The following ADAMTSL3 variants were observed in gnomAD, a reference collection of about 807,000 sequenced individuals.
ADAMTSL3 encodes ADAMTS-like protein 3.
In ADAMTSL3, 128 loss-of-function variants were observed where a neutral mutation model predicts 201.7. The observed-to-expected ratio is 0.63, with a 90% CI of 0.55 to 0.73. The LOEUF (loss-of-function observed/expected upper bound fraction) is 0.73. ADAMTSL3 is among the 30% of genes least tolerant of loss of function. The probability of loss-of-function intolerance (pLI) is 0.00; values close to 1 mark genes in which losing one functional copy is unlikely to be tolerated. For missense variants in ADAMTSL3, 1,990 were observed against 2,119.6 expected, an observed-to-expected ratio of 0.94 and a Z score of 1.20; for synonymous variants, 738 against 748.4, an observed-to-expected ratio of 0.99 and a Z score of 0.23.
intron 4 of ADAMTSL3, among the ~76,000 whole-genome samples, chr15:83,782,921 T>TATATATTATATGTATATATACACAC: frequency 6.8e-6 from 1 of 148,090 alleles, no homozygotes; most frequent in Non-Finnish European, 1.5e-5. Flanking sequence ...CGTATATATA[T>TATATATTATATGTATATATACACAC]ATATATATTA....
chr15:84,012,055 G>A (rs1034868494), intron 23 of ADAMTSL3, among the ~76,000 whole-genome samples: 9 of 152,074 alleles, frequency 5.9e-5, no homozygotes, highest in Non-Finnish European at 8.8e-5. Flanking sequence ...ATGCACATGT[G>A]ATTAGCATTC....
At chr15:83,660,483 C>A (rs1037944893) in intron 2 of ADAMTSL3, among the ~76,000 whole-genome samples, 18 of 152,180 alleles carry the variant, frequency 1.2e-4, no homozygotes, top group African/African-American at 4.3e-4. Context: ...TTGGGTTTGG[C>A]CCCTCGACAA....
chr15:83,908,816 GC>G (rs1388931728), intron 15 of ADAMTSL3, among the ~76,000 whole-genome samples: 5 of 152,288 alleles, frequency 3.3e-5, no homozygotes, highest in Non-Finnish European at 7.3e-5. Flanking sequence ...TGGGTCAGAA[GC>G]CCAGTAGATT....
chr15:83,913,409 T>G, intron 16 of ADAMTSL3, 31 bp downstream of exon 16: 1 of 1,599,298 alleles, frequency 6.3e-7, no homozygotes, highest in Non-Finnish European at 8.5e-7. Context: ...GGGACAGTTA[T>G]GTTGTGTGTT....
chr15:83,938,961 C>A (rs966675880), intron 17 of ADAMTSL3, among the ~76,000 whole-genome samples: 1 of 152,008 alleles, frequency 6.6e-6, no homozygotes, highest in Non-Finnish European at 1.5e-5. Context: ...TTTTTGGATG[C>A]GCTAATTCAA....
In ADAMTSL3 at chr15:83,773,614, G is replaced by T; in HGVS notation, c.281G>T (p.Gly94Val). ...WSDCSRTCGGGASYSLRRCLT... is the reference protein window; with the variant it reads ...WSDCSRTCGGVASYSLRRCLT... Reference sequence around the variant, plus strand: ...GACTGCTCCCGGACCTGTGGGGGAGGAGCATCATATTCTCTGCGGAGATGT... The same window carrying T: ...GACTGCTCCCGGACCTGTGGGGGAGTAGCATCATATTCTCTGCGGAGATGT... The change falls in exon 4 of 30, where the codon GGA (glycine) becomes GTA (valine). Residue 94 changes from glycine (G) to valine (V), a missense_variant. Physicochemically the swap from Gly to Val is moderately radical, Grantham distance 109. Coordinates refer to ENST00000286744, the MANE Select transcript of ADAMTSL3 (RefSeq NM_207517.3). 1 of 1,612,500 alleles carries T rather than the reference G, an allele frequency of 6.2e-7. No individual in the cohort carries two copies. Among genetic ancestry groups the T allele is most frequent in the Non-Finnish European group, 8.5e-7 (1 of 1,179,596 alleles).
chr15:83,764,539 C>T (rs185956366), intron 3 of ADAMTSL3, among the ~76,000 whole-genome samples: 11 of 152,240 alleles, frequency 7.2e-5, no homozygotes, highest in African/African-American at 1.9e-4. Flanking sequence ...TTTACTTCCC[C>T]AGCTCTCTCT....
chr15:83,697,393 T>A lies in ADAMTSL3; in HGVS notation c.70-6996T>A, dbSNP rs150535686. On this transcript the variant is annotated intron_variant, in intron 2 of 29. Coordinates refer to ENST00000286744, the MANE Select transcript of ADAMTSL3 (RefSeq NM_207517.3). Reference sequence around the variant, plus strand: ...TCTGAGACTATCTACCTAGAGATAGTATCAGACCCCACAGGTTAAGGGCTC... The same window carrying A: ...TCTGAGACTATCTACCTAGAGATAGAATCAGACCCCACAGGTTAAGGGCTC... 2.0e-5 allele frequency among the ~76,000 whole-genome samples: 3 copies of A among 152,230 alleles called. No homozygotes were observed. The East Asian group carries it at 5.8e-4, about 29-fold the overall frequency.
intron 2 of ADAMTSL3, among the ~76,000 whole-genome samples, chr15:83,675,332 G>C (rs1313797008): frequency 1.3e-5 from 2 of 151,926 alleles, no homozygotes; most frequent in Non-Finnish European, 2.9e-5. Context: ...TCATGAATAG[G>C]TGTTTAATTA....
rs547728610 is a variant in ADAMTSL3 at position 84,017,966 on chromosome 15, C to G, written c.4273+1467C>G. ...CCCTACCTCTCTCTAGAGAAGTCAA[C>G]TGAGTTTTCATGTAGGTCATGATGT... is the stretch of plus-strand genomic sequence containing the variant. On this transcript the variant is annotated intron_variant, in intron 25 of 29. Transcript: ENST00000286744. 1.5e-3 allele frequency among the ~76,000 whole-genome samples: 223 copies of G among 152,256 alleles called. No homozygotes were observed. In the Middle Eastern group the frequency reaches 0.017, roughly 12 times the overall value.
chr15:84,021,539 T>C lies in ADAMTSL3; in HGVS notation c.4403T>C (p.Leu1468Pro). The stretch of plus-strand genomic sequence containing the variant: ...GTGAGTGAGGCCCTGTGTGATCACC[T>C]CCAGAAGCCACTGGCTGGGTTTGAG... ...QEVSEALCDH[L>P]QKPLAGFEPC... is the part of the protein sequence containing the mutation. Residue 1468 changes from leucine to proline, a missense_variant, in exon 26 of 30, where the codon CTC (leucine) becomes CCC (proline). Coordinates refer to ENST00000286744, the MANE Select transcript of ADAMTSL3 (RefSeq NM_207517.3). 1 of 1,614,148 alleles carries C rather than the reference T, an allele frequency of 6.2e-7. No homozygotes were observed. Among genetic ancestry groups the C allele is most frequent in the Non-Finnish European group, 8.5e-7 (1 of 1,180,008 alleles).
Position 83,751,828 on chromosome 15 carries a change from AGT to A in ADAMTSL3, c.190-21694_190-21693del, listed in dbSNP as rs1596140489. On this transcript the variant is annotated intron_variant, in intron 3 of 29. Transcript: ENST00000286744. ...AATTTCCCACAGTGTTCAAGTGAGG[AGT>A]AAAAAGTTTTCCACCCAACGAGAAT... is the stretch of plus-strand genomic sequence containing the variant. 3.9e-5 allele frequency among the ~76,000 whole-genome samples: 6 copies of A among 152,292 alleles called. 1 individual carries two copies. The East Asian group carries it at 1.2e-3, about 29-fold the overall frequency.
Position 83,897,876 on chromosome 15 carries a change from C to T in ADAMTSL3, c.1486C>T (p.Arg496Ter), listed in dbSNP as rs750924454. Residue 496 changes from arginine to a stop codon, truncating the protein, a stop_gained, in exon 14 of 30, where the codon CGA becomes TGA. Transcript: ENST00000286744. LOFTEE classifies it high-confidence loss of function. ...TTTGAAGTGCACAGTGACTTGTGGC[C>T]GAGGGTTACGGTACCGGGTTGTTCT... ...EWSQCTVTCG[R>*]GLRYRVVLCI... The T allele has an allele frequency of 7.5e-6, 12 of 1,604,974 alleles. No homozygotes were observed. The highest frequency in any genetic ancestry group is 4.0e-5 in the African/African-American group (3 of 74,618).
At position 84,010,293 on chromosome 15, in the gene ADAMTSL3, T is replaced by C. The variant is rs75957285; in HGVS notation, c.3974-4249T>C. Among the ~76,000 whole-genome samples the C allele has an allele frequency of 6.5e-3, 992 of 152,334 alleles. 8 individuals carry two copies. Among genetic ancestry groups the C allele is most frequent in the African/African-American group, 0.022 (929 of 41,576 alleles). ...GAGATTTTTTTCTCTTCCTAGCTAGTATAGCCCTTCTCTAAATTACCATAG... is the reference window on the plus strand; with the variant it reads ...GAGATTTTTTTCTCTTCCTAGCTAGCATAGCCCTTCTCTAAATTACCATAG... On this transcript the variant is annotated intron_variant, in intron 23 of 29. Transcript: ENST00000286744.
Position 83,771,357 on chromosome 15 carries a change from A to G in ADAMTSL3, c.190-2166A>G, listed in dbSNP as rs1164638378. Among the ~76,000 whole-genome samples the G allele has an allele frequency of 2.6e-5, 4 of 152,174 alleles. No individual in the cohort carries two copies. The East Asian group carries it at 7.7e-4, about 29-fold the overall frequency. On this transcript the variant is annotated intron_variant, in intron 3 of 29. Transcript: ENST00000286744. ...AGCGTATAGTACAGTATTGGTAATT[A>G]TAAGTACAATGTTGAAAAGCAGATC...
chr15:83,684,894 A>G (rs77262585), intron 2 of ADAMTSL3, among the ~76,000 whole-genome samples: 11,519 of 152,230 alleles, frequency 0.076, 612 homozygotes, highest in East Asian at 0.18. Context: ...TGATACACCC[A>G]TCTTGAGGTT....
chr15:83,667,358 G>A (rs1280848511), intron 2 of ADAMTSL3, among the ~76,000 whole-genome samples: 1 of 151,946 alleles, frequency 6.6e-6, no homozygotes, highest in Non-Finnish European at 1.5e-5. Flanking sequence ...CACATTCCAG[G>A]AACAAAAAGT....
Position 83,719,446 on chromosome 15 carries a change from C to T in ADAMTSL3, c.189+14938C>T, listed in dbSNP as rs539316458. 4.6e-5 allele frequency among the ~76,000 whole-genome samples: 7 copies of T among 152,240 alleles called. No homozygotes were observed. The South Asian group carries it at 1.0e-3, about 23-fold the overall frequency. ...AACAAATAAACAGACAAAAAACCTA[C>T]GACAACACTCTTTATGACATTTATA... On this transcript the variant is annotated intron_variant, in intron 3 of 29. Transcript: ENST00000286744.
intron 3 of ADAMTSL3, among the ~76,000 whole-genome samples, chr15:83,750,592 G>A (rs1232540661): frequency 1.3e-5 from 2 of 151,822 alleles, no homozygotes; most frequent in Admixed American, 6.6e-5. Flanking sequence ...TTGCTCTGTC[G>A]CCAGGCTAGA....
Sources: gnomAD v4.1 joint callset for allele counts (sites outside exome capture counted in the v4.1 genomes callset) on GRCh38, gnomAD v4.1.1 for gene constraint, MANE v1.5 for transcripts, NCBI Gene and HGNC (gene_info 2026-07-23, HGNC 2026-07-21) for gene names.